PARVA: variants seen among roughly 807,000 people sequenced by gnomAD.
The protein encoded by PARVA is alpha-parvin.
In PARVA, 25 loss-of-function variants were observed where a neutral mutation model predicts 52.6. The ratio of observed to expected loss-of-function variants is 0.48; its 90% confidence interval spans 0.35 to 0.66. The LOEUF (loss-of-function observed/expected upper bound fraction) is 0.66. Ranked by LOEUF, PARVA falls within the 30% of genes least tolerant of loss-of-function variation. The probability of loss-of-function intolerance (pLI) is 0.01; values close to 1 mark genes in which losing one functional copy is unlikely to be tolerated. For missense variants in PARVA, 373 were observed against 450.9 expected (o/e 0.83, Z 1.56); for synonymous variants, 185 against 179.1 (o/e 1.03, Z -0.26).
chr11:12,411,101 T>C (rs1939986768), intron 1 of PARVA, among the ~76,000 whole-genome samples: 1 of 152,226 alleles, frequency 6.6e-6, no homozygotes, highest in Admixed American at 6.5e-5. Context: ...GAGCACAAGT[T>C]AATTTTCTAA....
At chr11:12,482,706 G>A (rs1042892947) in intron 4 of PARVA, among the ~76,000 whole-genome samples, 9 of 152,032 alleles carry the variant, frequency 5.9e-5, no homozygotes, top group African/African-American at 1.7e-4. Context: ...GGCTGAAGGC[G>A]AATGAAGAAC....
intron 4 of PARVA, chr11:12,480,160 G>A (rs2135043732): frequency 1.3e-5 from 2 of 149,956 alleles, no homozygotes; most frequent in South Asian, 4.2e-4. Flanking sequence ...GGAGGCAGAG[G>A]TTGCAGAGAG....
chr11:12,472,715 G>A (rs1223221567), intron 1 of PARVA, among the ~76,000 whole-genome samples: 2 of 152,134 alleles, frequency 1.3e-5, no homozygotes, highest in Non-Finnish European at 2.9e-5. Flanking sequence ...AAGATGGGAC[G>A]CTGCTTTTAT....
In PARVA at chr11:12,532,593, G is replaced by A. The variant is rs771546870; in HGVS notation, c.*4668G>A. On this transcript the variant is annotated 3_prime_UTR_variant, in exon 13 of 13. Transcript: ENST00000334956. ...AGATGAAAAATAACTATGAATCGAC[G>A]TTAGTTACAAATTGTGACTGTCGCG... 4.6e-5 allele frequency among the ~76,000 whole-genome samples: 7 copies of A among 152,298 alleles called. No homozygotes were observed. Among genetic ancestry groups the A allele is most frequent in the East Asian group, 1.9e-4 (1 of 5,178 alleles).
chr11:12,433,977 C>T (rs906178295), intron 1 of PARVA, among the ~76,000 whole-genome samples: 6 of 152,172 alleles, frequency 3.9e-5, no homozygotes, highest in Non-Finnish European at 5.9e-5. Flanking sequence ...CTCTCCAACA[C>T]GCCTGATCCC....
chr11:12,408,853 G>A (rs1939951366), intron 1 of PARVA, among the ~76,000 whole-genome samples: 2 of 152,214 alleles, frequency 1.3e-5, no homozygotes, highest in Admixed American at 6.5e-5. Context: ...GCTAAGGAAG[G>A]CCTCCCTGAG....
chr11:12,409,894 A>G (rs1363999149), intron 1 of PARVA, among the ~76,000 whole-genome samples: 1 of 152,232 alleles, frequency 6.6e-6, no homozygotes, highest in Admixed American at 6.5e-5. Context: ...CCCTTGACCC[A>G]TGCAATTTTA....
At chr11:12,409,343 A>T (rs1489936046) in intron 1 of PARVA, among the ~76,000 whole-genome samples, 27 of 152,194 alleles carry the variant, frequency 1.8e-4, no homozygotes, top group Non-Finnish European at 1.0e-4. Flanking sequence ...TGGTAGGCTG[A>T]ATAGTGGCAG....
chr11:12,416,867 C>T (rs551568007), intron 1 of PARVA, among the ~76,000 whole-genome samples: 5 of 152,096 alleles, frequency 3.3e-5, no homozygotes, highest in Non-Finnish European at 5.9e-5. Flanking sequence ...CAAGGTGGGT[C>T]GTTAAGTCTA....
At chr11:12,382,801 T>C (rs1319441760) in intron 1 of PARVA, among the ~76,000 whole-genome samples, 3 of 152,258 alleles carry the variant, frequency 2.0e-5, no homozygotes, top group Non-Finnish European at 2.9e-5. Flanking sequence ...AGCCTCTGTG[T>C]CTTCATCTAT....
chr11:12,382,485 T>A (rs1939506350), intron 1 of PARVA, among the ~76,000 whole-genome samples: 1 of 152,038 alleles, frequency 6.6e-6, no homozygotes, highest in Middle Eastern at 3.4e-3. Context: ...ATTGAAAAAA[T>A]TTGCATATAA....
intron 4 of PARVA, among the ~76,000 whole-genome samples, chr11:12,485,235 T>C (rs1481122249): frequency 6.6e-6 from 1 of 152,126 alleles, no homozygotes; most frequent in African/African-American, 2.4e-5. Flanking sequence ...ATTTTGGTGC[T>C]AATGGAGGGA....
chr11:12,496,865 G>A (rs558805011), intron 5 of PARVA, among the ~76,000 whole-genome samples: 3 of 152,326 alleles, frequency 2.0e-5, no homozygotes, highest in African/African-American at 7.2e-5. Flanking sequence ...GGAAGGGAAG[G>A]AAACTCATTC....
At chr11:12,468,513 A>G (rs1246037087) in intron 1 of PARVA, among the ~76,000 whole-genome samples, 3 of 152,178 alleles carry the variant, frequency 2.0e-5, no homozygotes, top group East Asian at 1.9e-4. Flanking sequence ...GACCTACTCT[A>G]TTCACCCATT....
At chr11:12,494,374 G>A (rs1252358904) in intron 4 of PARVA, among the ~76,000 whole-genome samples, 1 of 152,106 alleles carries the variant, frequency 6.6e-6, no homozygotes, top group African/African-American at 2.4e-5. Flanking sequence ...CATATGCTTG[G>A]TTCTCCTGGC....
At chr11:12,407,464 G>A (rs1383556327) in intron 1 of PARVA, among the ~76,000 whole-genome samples, 1 of 152,172 alleles carries the variant, frequency 6.6e-6, no homozygotes, top group African/African-American at 2.4e-5. Context: ...GTTTTTTAAT[G>A]TTTCATTTAA....
At chr11:12,448,470 C>T (rs1233638337) in intron 1 of PARVA, among the ~76,000 whole-genome samples, 1 of 152,194 alleles carries the variant, frequency 6.6e-6, no homozygotes, top group Non-Finnish European at 1.5e-5. Flanking sequence ...GTTGTAGCTC[C>T]AGACATTGGG....
At chr11:12,386,848 C>G (rs964624503) in intron 1 of PARVA, among the ~76,000 whole-genome samples, 1 of 152,188 alleles carries the variant, frequency 6.6e-6, no homozygotes, top group Non-Finnish European at 1.5e-5. Flanking sequence ...GTAGGGTGGT[C>G]TGGGAATTAC....
rs1941793925 is a variant in PARVA, at chr11:12,533,188, T to C, written c.*5263T>C. On this transcript the variant is annotated 3_prime_UTR_variant, in exon 13 of 13. Transcript: ENST00000334956. ...GTGTCCTGAGAAGAGCTAGGGGAACTGGACAGAGTGGACGAGGCTGCATGT... is the reference window on the plus strand; with the variant it reads ...GTGTCCTGAGAAGAGCTAGGGGAACCGGACAGAGTGGACGAGGCTGCATGT... Among the ~76,000 whole-genome samples, 4 of 152,154 alleles carry C rather than the reference T, an allele frequency of 2.6e-5. No individual in the cohort carries two copies. Among genetic ancestry groups the C allele is most frequent in the Admixed American group, 2.0e-4 (3 of 15,280 alleles).
Sources: gnomAD v4.1 joint callset for allele counts (sites outside exome capture counted in the v4.1 genomes callset) on GRCh38, gnomAD v4.1.1 for gene constraint, MANE v1.5 for transcripts, NCBI Gene and HGNC (gene_info 2026-07-23, HGNC 2026-07-21) for gene names.